Variants in TRAPPC3 observed in about 807,000 individuals in gnomAD.
The protein encoded by TRAPPC3 is trafficking protein particle complex 3.
In TRAPPC3, 5 loss-of-function variants were observed where a neutral mutation model predicts 18.2. The ratio of observed to expected loss-of-function variants is 0.28; its 90% CI spans 0.14 to 0.58. The LOEUF (loss-of-function observed/expected upper bound fraction) is 0.58. Among genes scored for constraint, TRAPPC3 ranks in the 20% least tolerant of loss-of-function variants. The pLI is 0.91. For missense variants in TRAPPC3, 176 were observed against 225.9 expected (o/e 0.78, Z 1.41); for synonymous variants, 65 against 84.2 (o/e 0.77, Z 1.25).
intron 3 of TRAPPC3, among the ~76,000 whole-genome samples, chr1:36,138,395 A>G (rs981170337): frequency 2.0e-5 from 3 of 152,072 alleles, no homozygotes; most frequent in Non-Finnish European, 2.9e-5. Flanking sequence ...CTTGAAAGTG[A>G]ATACACATTA....
Position 36,137,994 on chromosome 1 carries a change from C to A in TRAPPC3, c.241-16G>T. On this transcript the variant is annotated splice_polypyrimidine_tract_variant and intron_variant, in intron 3 of 4. Coordinates refer to ENST00000373166, the MANE Select transcript of TRAPPC3 (RefSeq NM_014408.5). ...TGAACGCCACCTGTCAGGGGACACA[C>A]AACAGCACTTTGGGGAAGAGCAGCA... 6.2e-6 allele frequency: 10 copies of A among 1,612,508 alleles called. No individual in the cohort carries two copies. Among genetic ancestry groups the A allele is most frequent in the Non-Finnish European group, 8.5e-6 (10 of 1,178,926 alleles).
intron 3 of TRAPPC3, among the ~76,000 whole-genome samples, chr1:36,139,125 G>T (rs1388103921): frequency 2.0e-5 from 3 of 148,398 alleles, no homozygotes; most frequent in South Asian, 2.1e-4. Context: ...CACAAAACTA[G>T]TAAGTACTGG....
upstream of TRAPPC3, among the ~76,000 whole-genome samples, chr1:36,153,951 T>C (rs1307041419): frequency 1.3e-5 from 2 of 152,170 alleles, no homozygotes; most frequent in East Asian, 3.8e-4. Context: ...CCCTGGCCTA[T>C]CTGTTCATTT....
intron 1 of TRAPPC3, among the ~76,000 whole-genome samples, chr1:36,147,796 G>A (rs1644223327): frequency 6.6e-6 from 1 of 152,162 alleles, no homozygotes; most frequent in Admixed American, 6.5e-5. Flanking sequence ...AGTTCCAAGA[G>A]CCTTGAGGGC....
intron 3 of TRAPPC3, 101 bp from the exon 4 acceptor site, chr1:36,138,079 C>T (rs777550530): frequency 1.3e-6 from 2 of 1,590,982 alleles, no homozygotes; most frequent in Non-Finnish European, 1.7e-6. Flanking sequence ...GGCTCAGGAA[C>T]AAACCTGTGG....
chr1:36,151,232 G>A (rs188325093), upstream of TRAPPC3, among the ~76,000 whole-genome samples: 1 of 152,218 alleles, frequency 6.6e-6, no homozygotes, highest in East Asian at 1.9e-4. Flanking sequence ...GGTTCTTAAA[G>A]GCTTCTTAGG....
upstream of TRAPPC3, among the ~76,000 whole-genome samples, chr1:36,150,070 A>G (rs1224501259): frequency 2.0e-5 from 3 of 152,174 alleles, no homozygotes; most frequent in South Asian, 2.1e-4. Context: ...TCTTTTAGGT[A>G]AAGTTCAAGT....
At chr1:36,146,775 T>C (rs1270688706) in intron 1 of TRAPPC3, among the ~76,000 whole-genome samples, 1 of 150,268 alleles carries the variant, frequency 6.7e-6, no homozygotes, top group East Asian at 2.3e-4. Flanking sequence ...GTATATATGG[T>C]ATACATTTCT....
intron 1 of TRAPPC3, 101 bp downstream of exon 1, chr1:36,149,236 A>C: frequency 6.4e-7 from 1 of 1,565,628 alleles, no homozygotes; most frequent in Non-Finnish European, 8.7e-7. Flanking sequence ...CAGAGCTCAC[A>C]GGAAGGCCCT....
rs201784272 is a variant in TRAPPC3, at chr1:36,146,762, A to ATG, written c.42+2574_42+2575insCA. On this transcript the variant is annotated intron_variant, in intron 1 of 4. Coordinates refer to ENST00000373166, the MANE Select transcript of TRAPPC3 (RefSeq NM_014408.5). Reference sequence around the variant, plus strand: ...TTATTTTTCCACTGCTAGAAGATACACAGTATATATGGTATACATTTCTGT... The same window carrying ATG: ...TTATTTTTCCACTGCTAGAAGATACATGCAGTATATATGGTATACATTTCTGT... Among the ~76,000 whole-genome samples the ATG allele has an allele frequency of 0.017, 2,641 of 152,270 alleles. 146 individuals are homozygous for ATG. The East Asian group carries it at 0.21, about 12-fold the overall frequency.
chr1:36,150,305 C>T (rs1644258774), upstream of TRAPPC3, among the ~76,000 whole-genome samples: 1 of 152,230 alleles, frequency 6.6e-6, no homozygotes, highest in East Asian at 1.9e-4. Context: ...CTTCCAGCCA[C>T]CCTCCAAAAA....
At chr1:36,148,251 C>T (rs570625937) in intron 1 of TRAPPC3, among the ~76,000 whole-genome samples, 4 of 152,210 alleles carry the variant, frequency 2.6e-5, no homozygotes, top group African/African-American at 9.6e-5. Flanking sequence ...CTTAAGGCCA[C>T]GAGTTCGAGA....
upstream of TRAPPC3, among the ~76,000 whole-genome samples, chr1:36,150,601 C>A (rs1173904083): frequency 6.6e-6 from 1 of 152,228 alleles, no homozygotes; most frequent in Non-Finnish European, 1.5e-5. Context: ...GGCTGGGGGG[C>A]CGCTGAGGCT....
exon 1 of TRAPPC3, chr1:36,156,016 G>A (rs1644319134): frequency 1.2e-5 from 2 of 166,950 alleles, no homozygotes; most frequent in Non-Finnish European, 2.6e-5. Flanking sequence ...CGGGCGCGGG[G>A]CTCCGGGGCG....
chr1:36,154,998 G>A (rs1644305382), intron 1 of TRAPPC3, among the ~76,000 whole-genome samples: 1 of 152,148 alleles, frequency 6.6e-6, no homozygotes, highest in South Asian at 2.1e-4. Context: ...TGACCCTTTT[G>A]TTTCCCACTC....
At chr1:36,151,751 C>T (rs766270690), upstream of TRAPPC3, among the ~76,000 whole-genome samples, 5 of 152,184 alleles carry the variant, frequency 3.3e-5, no homozygotes, top group Non-Finnish European at 5.9e-5. Context: ...GTCCCCTCAC[C>T]ACCCTCTTCT....
At chr1:36,154,396 T>G (rs1644297844), upstream of TRAPPC3, among the ~76,000 whole-genome samples, 1 of 151,964 alleles carries the variant, frequency 6.6e-6, no homozygotes, top group African/African-American at 2.4e-5. Flanking sequence ...AGACAAGGGG[T>G]GGGAGGTGGG....
rs916357987 is a variant in TRAPPC3, at chr1:36,137,096, A to C, written c.*107T>G. The stretch of plus-strand genomic sequence containing the variant: ...GAATGGAAACAGGTTATAAGAATAT[A>C]TAACATCCATGTTCAAGAGTCACTG... On this transcript the variant is annotated 3_prime_UTR_variant, in exon 5 of 5. Transcript: ENST00000373166. 9.9e-6 allele frequency: 13 copies of C among 1,316,258 alleles called. No individual in the cohort carries two copies. Among genetic ancestry groups the C allele is most frequent in the Non-Finnish European group, 1.3e-5 (12 of 945,232 alleles). The allele number at this position is 1,316,258 out of a possible 1,614,324, so 81.5% of individuals were successfully genotyped here.
chr1:36,141,191 A>G (rs113099387), intron 1 of TRAPPC3, among the ~76,000 whole-genome samples: 9 of 152,340 alleles, frequency 5.9e-5, no homozygotes, highest in African/African-American at 1.9e-4. Context: ...TTATCTACCA[A>G]GAAATTGATG....
Sources: allele counts gnomAD v4.1 joint callset (sites outside exome capture counted in the v4.1 genomes callset), GRCh38; gene constraint gnomAD v4.1.1; transcripts MANE v1.5; gene names NCBI Gene and HGNC (gene_info 2026-07-23, HGNC 2026-07-21).